Variants in ATP13A4 observed in about 807,000 individuals in gnomAD.
The protein encoded by ATP13A4 is probable cation-transporting ATPase 13A4.
Under a neutral mutation model 142.5 loss-of-function variants are expected in ATP13A4, and 114 were observed. The ratio of observed to expected loss-of-function variants is 0.80; its 90% confidence interval spans 0.69 to 0.93. The LOEUF is 0.93. ATP13A4 is among the 40% of genes least tolerant of loss of function. The probability of loss-of-function intolerance (pLI) is 0.00; values close to 1 mark genes in which losing one functional copy is unlikely to be tolerated. For missense variants in ATP13A4, 1,392 were observed against 1,454.0 expected (o/e 0.96, Z 0.69); for synonymous variants, 488 against 514.8 (o/e 0.95, Z 0.70).
chr3:193,571,491 G>A (rs1724265370), intron 2 of ATP13A4, among the ~76,000 whole-genome samples: 1 of 152,032 alleles, frequency 6.6e-6, no homozygotes, highest in Admixed American at 6.5e-5. Flanking sequence ...GGGGTGAGGA[G>A]GAAGTAACTT....
chr3:193,558,933 C>T (rs1339914424), upstream of ATP13A4, among the ~76,000 whole-genome samples: 1 of 152,136 alleles, frequency 6.6e-6, no homozygotes, highest in Non-Finnish European at 1.5e-5. Flanking sequence ...TCTGGCATCT[C>T]GGTTTGCTTT....
chr3:193,549,429 TATATAGAGAGAG>T (rs1322806652), intron 1 of ATP13A4, among the ~76,000 whole-genome samples: 1 of 142,594 alleles, frequency 7.0e-6, no homozygotes. Context: ...TATATATATA[TATATAGAGAGAG>T]AGAGAGAGAG....
At chr3:193,532,198 G>T (rs1039954629) in intron 1 of ATP13A4, among the ~76,000 whole-genome samples, 2 of 151,930 alleles carry the variant, frequency 1.3e-5, no homozygotes, top group African/African-American at 4.8e-5. Flanking sequence ...TACAGAAAAG[G>T]AGACTACTAT....
rs201541607 is a variant in ATP13A4 at position 193,484,310 on chromosome 3, AAAATAAATAAAT to A, written c.739-317_739-306del. ...GGGCGACAGAACAAGACTCTGTCTC[AAAATAAATAAAT>A]AAATAAATAAATAAATAAATAAATA... On this transcript the variant is annotated intron_variant, in intron 7 of 29. Coordinates refer to ENST00000342695, the MANE Select transcript of ATP13A4 (RefSeq NM_032279.4). Among the ~76,000 whole-genome samples the A allele has an allele frequency of 2.2e-3, 316 of 144,588 alleles. 4 individuals carry two copies. In the South Asian group the frequency reaches 0.027, roughly 12 times the overall value. 94.9% of individuals were successfully genotyped at this position (144,588 alleles called of 152,430 possible).
At chr3:193,430,184 T>A (rs1224093835) in intron 25 of ATP13A4, among the ~76,000 whole-genome samples, 1 of 152,042 alleles carries the variant, frequency 6.6e-6, no homozygotes. Flanking sequence ...GGAGAAAAAA[T>A]TAAACTCTTC....
chr3:193,583,075 G>C (rs1282678726), intron 1 of ATP13A4, among the ~76,000 whole-genome samples: 4 of 149,448 alleles, frequency 2.7e-5, no homozygotes, highest in African/African-American at 4.9e-5. Flanking sequence ...TATCATAAAG[G>C]AATAATCACT....
chr3:193,517,606 G>A (rs964497751), intron 1 of ATP13A4, among the ~76,000 whole-genome samples: 3 of 152,100 alleles, frequency 2.0e-5, no homozygotes, highest in Admixed American at 6.5e-5. Flanking sequence ...TCAGCCTCCC[G>A]AGTAGCTGGG....
At chr3:193,461,197 G>A (rs1717925428) in intron 13 of ATP13A4, among the ~76,000 whole-genome samples, 1 of 152,088 alleles carries the variant, frequency 6.6e-6, no homozygotes, top group Non-Finnish European at 1.5e-5. Context: ...TAGAAACAAA[G>A]TTTCCAAAGT....
chr3:193,528,216 GC>G (rs2108698920), intron 1 of ATP13A4, among the ~76,000 whole-genome samples: 1 of 152,316 alleles, frequency 6.6e-6, no homozygotes, highest in South Asian at 2.1e-4. Context: ...CCCATGCTTG[GC>G]CCCAGGAATG....
At chr3:193,408,442 G>A (rs149183565) in intron 28 of ATP13A4, among the ~76,000 whole-genome samples, 1 of 152,286 alleles carries the variant, frequency 6.6e-6, no homozygotes, top group African/African-American at 2.4e-5. Context: ...TAAAAAGAAT[G>A]AGGAAAATGT....
intron 25 of ATP13A4, among the ~76,000 whole-genome samples, chr3:193,424,068 C>A (rs748526395): frequency 6.7e-6 from 1 of 149,026 alleles, no homozygotes; most frequent in Non-Finnish European, 1.5e-5. Flanking sequence ...GAAGACAATG[C>A]CACTTTCAAC....
chr3:193,560,100 GA>G (rs947547774), intron 2 of ATP13A4, among the ~76,000 whole-genome samples: 4 of 152,236 alleles, frequency 2.6e-5, no homozygotes, highest in Non-Finnish European at 4.4e-5. Flanking sequence ...TCTTCGGTGA[GA>G]AAAAAGTTAC....
intron 2 of ATP13A4, among the ~76,000 whole-genome samples, chr3:193,571,792 T>C (rs1225646137): frequency 6.6e-6 from 1 of 152,014 alleles, no homozygotes; most frequent in Non-Finnish European, 1.5e-5. Context: ...ACATAACGCA[T>C]CAATCTAATG....
chr3:193,425,261 C>T (rs1377097996), intron 25 of ATP13A4, among the ~76,000 whole-genome samples: 2 of 151,108 alleles, frequency 1.3e-5, no homozygotes, highest in East Asian at 1.9e-4. Flanking sequence ...TACTGTTGGT[C>T]GAAATGTAAA....
Position 193,465,032 on chromosome 3 carries a change from C to T in ATP13A4, c.1369G>A (p.Ala457Thr), listed in dbSNP as rs201433871. 79 of 1,614,122 alleles carry T rather than the reference C, an allele frequency of 4.9e-5. 2 individuals are homozygous for T. The highest frequency in any genetic ancestry group is 4.8e-4 in the South Asian group (44 of 91,070). ...CCTCTCTTCTTCAGCCTCCTCTGGG[C>T]ATAGATAATGCCTGTGGTCAGAGCA... is the stretch of plus-strand genomic sequence containing the variant. Reference protein sequence around the residue: ...PAALTTGIIYAQRRLKKRGIF... With the variant: ...PAALTTGIIYTQRRLKKRGIF... The change falls in exon 12 of 30, where the codon GCC (alanine) becomes ACC (threonine). Residue 457 changes from alanine to threonine, a missense_variant. Ala to Thr is a moderately conservative substitution (Grantham distance 58). Transcript: ENST00000342695.
intron 1 of ATP13A4, chr3:193,553,140 T>C (rs1012173561): frequency 3.3e-5 from 5 of 152,218 alleles, no homozygotes; most frequent in African/African-American, 1.2e-4. Context: ...GAAAACACAG[T>C]GTCCCTTTCC....
chr3:193,401,173 C>T lies in ATP13A4; in HGVS notation c.*1479G>A, dbSNP rs1278200773. 2.0e-5 allele frequency among the ~76,000 whole-genome samples: 3 copies of T among 152,118 alleles called. No homozygotes were observed. The highest frequency in any genetic ancestry group is 7.2e-5 in the African/African-American group (3 of 41,422). On this transcript the variant is annotated 3_prime_UTR_variant, in exon 30 of 30. Coordinates refer to ENST00000342695, the MANE Select transcript of ATP13A4 (RefSeq NM_032279.4). ...AGCCAGCCTGGGCCAGGACACTTATCCCCTGATCAGAACATTCACCTAGGA... is the reference window on the plus strand; with the variant it reads ...AGCCAGCCTGGGCCAGGACACTTATTCCCTGATCAGAACATTCACCTAGGA...
chr3:193,422,169 C>T (rs763564985), intron 25 of ATP13A4, among the ~76,000 whole-genome samples: 2 of 149,898 alleles, frequency 1.3e-5, no homozygotes, highest in South Asian at 2.1e-4. Context: ...ATAAAGCAGA[C>T]GTCAAGTCAA....
intron 17 of ATP13A4, among the ~76,000 whole-genome samples, chr3:193,449,010 G>A (rs1717118453): frequency 6.6e-6 from 1 of 152,062 alleles, no homozygotes; most frequent in Non-Finnish European, 1.5e-5. Flanking sequence ...AAAATAAAAT[G>A]CCAGTTTCTC....
Sources: gnomAD v4.1 joint callset for allele counts (sites outside exome capture counted in the v4.1 genomes callset) on GRCh38, gnomAD v4.1.1 for gene constraint, MANE v1.5 for transcripts, NCBI Gene and HGNC (gene_info 2026-07-23, HGNC 2026-07-21) for gene names.